The following ATP6V1D variants were observed in gnomAD, a reference collection of about 807,000 sequenced individuals.
ATP6V1D encodes V-type proton ATPase subunit D.
In ATP6V1D, 20 loss-of-function variants were observed where a neutral mutation model predicts 39.4. The observed-to-expected ratio is 0.51, with a 90% CI of 0.36 to 0.74. ATP6V1D has a LOEUF of 0.74. ATP6V1D is among the 30% of genes least tolerant of loss of function. The pLI is 0.00. For synonymous variants in ATP6V1D, 100 were observed against 100.5 expected, an observed-to-expected ratio of 0.99 and a Z score of 0.03; for missense variants, 228 against 291.6, an observed-to-expected ratio of 0.78 and a Z score of 1.59.
intron 8 of ATP6V1D, 86 bp from the exon 9 acceptor site, chr14:67,338,848 A>G: frequency 8.1e-7 from 1 of 1,232,238 alleles, no homozygotes; most frequent in Non-Finnish European, 1.1e-6. Context: ...TAACAAGGAT[A>G]ATAAACACAT....
intron 4 of ATP6V1D, among the ~76,000 whole-genome samples, chr14:67,347,916 CT>C (rs3067318): frequency 0.36 from 52,880 of 145,980 alleles, 9,796 homozygotes; most frequent in African/African-American, 0.49. Context: ...AACTTGCCTT[CT>C]TTTTTTTTTT....
chr14:67,347,661 C>T lies in ATP6V1D; in HGVS notation c.308-208G>A, dbSNP rs575796680. 4.9e-4 allele frequency among the ~76,000 whole-genome samples: 74 copies of T among 152,006 alleles called. 1 individual carries two copies. The highest frequency in any genetic ancestry group is 4.6e-4 in the Admixed American group (7 of 15,272). On this transcript the variant is annotated intron_variant, in intron 4 of 8. Transcript: ENST00000216442. ...GATTACAGGCATGCACCACCACACCCGGCTAATTTTGTATTTTTAGTAGAC... is the reference window on the plus strand; with the variant it reads ...GATTACAGGCATGCACCACCACACCTGGCTAATTTTGTATTTTTAGTAGAC...
chr14:67,352,389 G>A (rs755793992), intron 2 of ATP6V1D, among the ~76,000 whole-genome samples: 2 of 150,850 alleles, frequency 1.3e-5, no homozygotes, highest in Non-Finnish European at 3.0e-5. Flanking sequence ...GAGGATCACT[G>A]GAGCCCAGTT....
At chr14:67,346,438 A>C (rs540088169) in intron 5 of ATP6V1D, among the ~76,000 whole-genome samples, 2 of 152,278 alleles carry the variant, frequency 1.3e-5, no homozygotes, top group East Asian at 3.9e-4. Context: ...CGGCCTCCCG[A>C]GTAGCTGGGA....
chr14:67,348,971 A>C, intron 4 of ATP6V1D, 66 bp downstream of exon 4: 3 of 1,468,512 alleles, frequency 2.0e-6, no homozygotes, highest in Non-Finnish European at 2.8e-6. Flanking sequence ...TTGCTGTATA[A>C]ACAGGTTAAT....
chr14:67,338,937 TA>T (rs1386739234), intron 8 of ATP6V1D, among the ~76,000 whole-genome samples, 175 bp from the exon 9 acceptor site: 1 of 151,984 alleles, frequency 6.6e-6, no homozygotes, highest in Non-Finnish European at 1.5e-5. Flanking sequence ...AACATAATTT[TA>T]AGCTAAAAAT....
chr14:67,345,914 A>G (rs2274336), intron 5 of ATP6V1D, 43 bp from the exon 6 acceptor site: 104,889 of 1,254,684 alleles, frequency 0.084, 12,709 homozygotes, highest in East Asian at 0.41. Flanking sequence ...AGAGTAAAAT[A>G]TCTTCCCTAT....
intron 2 of ATP6V1D, among the ~76,000 whole-genome samples, chr14:67,351,825 CT>C (rs548692805): frequency 1.0e-4 from 15 of 144,716 alleles, no homozygotes; most frequent in Admixed American, 1.4e-4. Flanking sequence ...CTAGTATTAA[CT>C]TTTTTTTTTA....
chr14:67,353,479 TTTGTTG>T (rs375450609), intron 1 of ATP6V1D, among the ~76,000 whole-genome samples: 41 of 151,598 alleles, frequency 2.7e-4, no homozygotes, highest in African/African-American at 9.2e-4. Flanking sequence ...CAAGACTCCT[TTTGTTG>T]TTGTTGTTGT....
chr14:67,348,279 A>C (rs2085634052), intron 4 of ATP6V1D, among the ~76,000 whole-genome samples: 1 of 152,006 alleles, frequency 6.6e-6, no homozygotes, highest in Non-Finnish European at 1.5e-5. Context: ...TCTCCATATT[A>C]GGCTGGTCTC....
intron 8 of ATP6V1D, 82 bp from the exon 9 acceptor site, chr14:67,338,844 G>T: frequency 7.5e-7 from 1 of 1,338,240 alleles, no homozygotes; most frequent in Non-Finnish European, 1.0e-6. Flanking sequence ...TTTGTAACAA[G>T]GATAATAAAC....
chr14:67,340,864 C>T (rs1293380138), intron 7 of ATP6V1D, among the ~76,000 whole-genome samples: 22 of 152,292 alleles, frequency 1.4e-4, no homozygotes, highest in African/African-American at 2.6e-4. Context: ...TTGGTGGAGA[C>T]GGGGTTTCGC....
intron 7 of ATP6V1D, among the ~76,000 whole-genome samples, chr14:67,342,294 C>T (rs2085591283): frequency 6.6e-6 from 1 of 150,870 alleles, no homozygotes; most frequent in South Asian, 2.1e-4. Flanking sequence ...CTACTGTAAA[C>T]ATGGTGGTGT....
At position 67,339,863 on chromosome 14, in the gene ATP6V1D, C is replaced by T. The variant is rs112351957; in HGVS notation, c.602+577G>A. ...CGTGTAATCCCAGCACTTTGGCAGG[C>T]CAAGGCAGGTGGATTGCTTGAGGTC... On this transcript the variant is annotated intron_variant, in intron 8 of 8. Coordinates refer to ENST00000216442, the MANE Select transcript of ATP6V1D (RefSeq NM_015994.4). Among the ~76,000 whole-genome samples, 74 of 152,002 alleles carry T rather than the reference C, an allele frequency of 4.9e-4. 1 individual carries two copies. The highest frequency in any genetic ancestry group is 9.0e-4 in the Non-Finnish European group (61 of 68,012).
At chr14:67,338,805 A>G (rs1566594571) in intron 8 of ATP6V1D, 43 bp from the exon 9 acceptor site, 1 of 1,538,900 alleles carries the variant, frequency 6.5e-7, no homozygotes. Context: ...ACACTGTTTC[A>G]ATATTAAGTA....
chr14:67,356,581 G>A (rs1303663350), intron 1 of ATP6V1D, among the ~76,000 whole-genome samples: 1 of 152,134 alleles, frequency 6.6e-6, no homozygotes, highest in African/African-American at 2.4e-5. Context: ...GAAAAATGAG[G>A]CTTAGAAAAG....
rs557472040 is a variant in ATP6V1D at position 67,340,478 on chromosome 14, G to A, written c.564C>T (p.Ile188=). 1.7e-5 allele frequency: 28 copies of A among 1,613,764 alleles called. No homozygotes were observed. In the Admixed American group the frequency reaches 3.3e-4, roughly 19 times the overall value. Residue 188 remains isoleucine (I), a synonymous_variant, in exon 8 of 9, where the codon ATC becomes ATT. Coordinates refer to ENST00000216442, the MANE Select transcript of ATP6V1D (RefSeq NM_015994.4). The stretch of plus-strand genomic sequence containing the variant: ...CTCGCTCTCTCTCATCCAGCTCTGT[G>A]ATGATATAAGCAAGAGTACGTTCAA... The part of the protein sequence containing the change: ...PRIERTLAYI[I]TELDEREREE...
intron 7 of ATP6V1D, among the ~76,000 whole-genome samples, chr14:67,342,570 T>C (rs1158681157): frequency 6.6e-6 from 1 of 151,174 alleles, no homozygotes; most frequent in Non-Finnish European, 1.5e-5. Context: ...TTTTTTTTTT[T>C]TTTCTTTGCT....
intron 1 of ATP6V1D, among the ~76,000 whole-genome samples, chr14:67,357,281 CT>C (rs1214823276): frequency 6.6e-6 from 1 of 152,216 alleles, no homozygotes; most frequent in Non-Finnish European, 1.5e-5. Context: ...GCTTTTAAAA[CT>C]TGCTCCTTTA....
Sources: gnomAD v4.1 joint callset for allele counts (sites outside exome capture counted in the v4.1 genomes callset) on GRCh38, gnomAD v4.1.1 for gene constraint, MANE v1.5 for transcripts, NCBI Gene and HGNC (gene_info 2026-07-23, HGNC 2026-07-21) for gene names.